The following N4BP2L2 variants were observed in gnomAD, a reference collection of about 807,000 sequenced individuals.
The protein encoded by N4BP2L2 is NEDD4 binding protein 2 like 2.
Under a neutral mutation model 56.2 loss-of-function variants are expected in N4BP2L2, and 50 were observed. The observed-to-expected ratio is 0.89, with a 90% CI of 0.71 to 1.13. The LOEUF is 1.13. N4BP2L2 is among the 50% of genes most tolerant of loss of function. N4BP2L2 has a pLI of 0.00. For synonymous variants in N4BP2L2, 203 were observed against 223.6 expected, an observed-to-expected ratio of 0.91 and a Z score of 0.82; for missense variants, 689 against 693.8, an observed-to-expected ratio of 0.99 and a Z score of 0.08.
intron 6 of N4BP2L2, chr13:32,504,732 T>C (rs534237017): frequency 1.3e-5 from 2 of 152,324 alleles, no homozygotes; most frequent in African/African-American, 4.8e-5. Flanking sequence ...AAATCTCATC[T>C]AAATATCATT....
intron 1 of N4BP2L2, 94 bp downstream of exon 1, chr13:32,538,524 A>G (rs1231379810): frequency 4.2e-6 from 3 of 720,910 alleles, no homozygotes; most frequent in Non-Finnish European, 1.7e-6. Context: ...GCTTACGTCT[A>G]CGTTTACAGC....
rs1357834719 is a variant in N4BP2L2, at chr13:32,487,261, C to A, written c.365+30596G>T. The stretch of plus-strand genomic sequence containing the variant: ...TGCTGAGGCAAGAGGATTGCTTGAG[C>A]CCAGAAGTTTAAGACCAGCCTGGGC... On this transcript the variant is annotated intron_variant, in intron 6 of 9. Transcript: ENST00000357505. Among the ~76,000 whole-genome samples the A allele has an allele frequency of 2.6e-5, 4 of 151,540 alleles. No homozygotes were observed. In the East Asian group the frequency reaches 7.8e-4, roughly 29 times the overall value.
intron 3 of N4BP2L2, among the ~76,000 whole-genome samples, chr13:32,526,379 T>C (rs1355272423): frequency 6.6e-6 from 1 of 152,212 alleles, no homozygotes; most frequent in Non-Finnish European, 1.5e-5. Context: ...CTGAAGGAAC[T>C]GGCATTTTTT....
exon 6 of N4BP2L2, chr13:32,517,198 A>G: frequency 1.0e-6 from 1 of 984,778 alleles, no homozygotes; most frequent in South Asian, 4.7e-5. Flanking sequence ...TACAAGATGA[A>G]TATGCATATT....
At chr13:32,453,350 C>A (rs999461224) in intron 6 of N4BP2L2, among the ~76,000 whole-genome samples, 2 of 151,822 alleles carry the variant, frequency 1.3e-5, no homozygotes, top group Non-Finnish European at 2.9e-5. Flanking sequence ...AGTGACTAAA[C>A]AGGAAAGAAC....
chr13:32,528,204 G>A (rs1197923665), intron 2 of N4BP2L2, among the ~76,000 whole-genome samples: 1 of 152,078 alleles, frequency 6.6e-6, no homozygotes, highest in African/African-American at 2.4e-5. Flanking sequence ...TAGTGCAACA[G>A]GTAACCTAAA....
chr13:32,492,502 C>T (rs532257148), intron 6 of N4BP2L2, among the ~76,000 whole-genome samples: 2 of 152,078 alleles, frequency 1.3e-5, no homozygotes, highest in East Asian at 1.9e-4. Context: ...GTTTTCTTAT[C>T]AGAAGTTAAT....
intron 2 of N4BP2L2, among the ~76,000 whole-genome samples, chr13:32,529,974 C>T (rs573740891): frequency 6.6e-6 from 1 of 152,274 alleles, no homozygotes; most frequent in East Asian, 1.9e-4. Flanking sequence ...GATCCTCCCA[C>T]CTCAGCCTCC....
exon 6 of N4BP2L2, chr13:32,517,708 G>T: frequency 6.8e-7 from 1 of 1,479,116 alleles, no homozygotes; most frequent in Admixed American, 2.5e-5. Context: ...AGGCACTGTA[G>T]CCTTTTTTTA....
intron 6 of N4BP2L2, among the ~76,000 whole-genome samples, chr13:32,454,151 C>A (rs1164360145): frequency 6.6e-6 from 1 of 152,108 alleles, no homozygotes; most frequent in East Asian, 1.9e-4. Flanking sequence ...GACACCCAGA[C>A]TCTATACAAG....
At chr13:32,518,031 C>G (rs1221557852) in intron 5 of N4BP2L2, 28 bp from the exon 6 acceptor site, 8 of 1,605,668 alleles carry the variant, frequency 5.0e-6, no homozygotes, top group Non-Finnish European at 6.8e-6. Context: ...GATTGTAAAT[C>G]TTTGTTGCAG....
At chr13:32,517,849 C>T (rs756043709) in exon 6 of N4BP2L2, 14 of 1,613,936 alleles carry the variant, frequency 8.7e-6, no homozygotes, top group Non-Finnish European at 1.1e-5. Flanking sequence ...CCAAGAGAGC[C>T]TCCCCACCTC....
downstream of N4BP2L2, chr13:32,509,082 C>T (rs1231244710): frequency 6.6e-6 from 1 of 152,084 alleles, no homozygotes; most frequent in African/African-American, 2.4e-5. Context: ...ACTGGATACA[C>T]CAAGTTAAAT....
chr13:32,488,411 G>A (rs2086354193), intron 6 of N4BP2L2, among the ~76,000 whole-genome samples: 1 of 152,152 alleles, frequency 6.6e-6, no homozygotes, highest in East Asian at 1.9e-4. Flanking sequence ...CTACTAGAGG[G>A]TAGAGGGATG....
At chr13:32,476,816 C>A (rs540910404) in intron 6 of N4BP2L2, among the ~76,000 whole-genome samples, 5 of 152,178 alleles carry the variant, frequency 3.3e-5, no homozygotes, top group African/African-American at 1.2e-4. Flanking sequence ...GAATAAGAAA[C>A]TCTAAATAAT....
chr13:32,470,259 G>A (rs367932413), intron 6 of N4BP2L2, among the ~76,000 whole-genome samples: 21 of 152,288 alleles, frequency 1.4e-4, no homozygotes, highest in South Asian at 6.2e-4. Flanking sequence ...GCCTTCATGG[G>A]AGGGCGACAA....
downstream of N4BP2L2, chr13:32,507,987 G>C (rs2091219326): frequency 6.6e-6 from 1 of 152,138 alleles, no homozygotes; most frequent in African/African-American, 2.4e-5. Context: ...CAAGGACCAA[G>C]AGGAGAAGGC....
chr13:32,443,722 G>T, exon 7 of N4BP2L2: 1 of 1,581,784 alleles, frequency 6.3e-7, no homozygotes, highest in Non-Finnish European at 8.6e-7. Context: ...ACAAGTAACG[G>T]AGATTTCATT....
downstream of N4BP2L2, chr13:32,505,696 A>T (rs2090832582): frequency 6.6e-6 from 1 of 152,194 alleles, no homozygotes; most frequent in African/African-American, 2.4e-5. Context: ...CCTTTCCCTC[A>T]GTTTCCAACA....
Sources: gnomAD v4.1 joint callset for allele counts (sites outside exome capture counted in the v4.1 genomes callset) on GRCh38, gnomAD v4.1.1 for gene constraint, MANE v1.5 for transcripts, NCBI Gene and HGNC (gene_info 2026-07-23, HGNC 2026-07-21) for gene names.